The following TLN2 variants were observed in gnomAD, a reference collection of about 807,000 sequenced individuals.
TLN2 encodes the protein talin 2.
A neutral mutation model predicts 294.7 loss-of-function variants in TLN2; 118 were observed. The observed-to-expected ratio is 0.40, with a 90% confidence interval of 0.34 to 0.47. TLN2 has a LOEUF of 0.47. Among genes scored for constraint, TLN2 ranks in the 20% least tolerant of loss-of-function variants. TLN2 has a pLI of 0.84. For missense variants in TLN2, 3,083 were observed against 3,282.2 expected (o/e 0.94, Z 1.48); for synonymous variants, 1,431 against 1,304.5 (o/e 1.10, Z -2.09).
intron 1 of TLN2, among the ~76,000 whole-genome samples, chr15:62,469,955 T>TGA (rs1189563527): frequency 1.1e-4 from 16 of 150,956 alleles, no homozygotes; most frequent in East Asian, 1.9e-4. Flanking sequence ...GGTGTGTGTG[T>TGA]GAGAGAGAGA....
Position 62,657,905 on chromosome 15 carries a change from G to A in TLN2, c.788+7G>A, listed in dbSNP as rs2140960861. Reference sequence around the variant, plus strand: ...ACAAACCTGGATTTTTAGAGTAAATGACATTTTGTTTCTCTTTTTTCTCTT... The same window carrying A: ...ACAAACCTGGATTTTTAGAGTAAATAACATTTTGTTTCTCTTTTTTCTCTT... On this transcript the variant is annotated splice_region_variant and intron_variant, in intron 9 of 58. Coordinates refer to ENST00000636159, the MANE Select transcript of TLN2 (RefSeq NM_015059.3). 1 of 1,607,798 alleles carries A rather than the reference G, an allele frequency of 6.2e-7. No homozygotes were observed. The highest frequency in any genetic ancestry group is 8.5e-7 in the Non-Finnish European group (1 of 1,177,914).
intron 1 of TLN2, among the ~76,000 whole-genome samples, chr15:62,408,451 G>A (rs138699923): frequency 1.8e-3 from 272 of 152,270 alleles, no homozygotes; most frequent in Non-Finnish European, 3.0e-3. Context: ...ACCACACTTA[G>A]AGCAAGCAGC....
intron 6 of TLN2, among the ~76,000 whole-genome samples, chr15:62,652,799 A>G (rs757383148): frequency 2.2e-4 from 33 of 152,186 alleles, no homozygotes; most frequent in Non-Finnish European, 4.7e-4. Context: ...GGAAACCTTT[A>G]TGAAAGGAAT....
intron 1 of TLN2, among the ~76,000 whole-genome samples, chr15:62,459,735 T>G (rs1056439280): frequency 1.3e-5 from 2 of 152,200 alleles, no homozygotes; most frequent in African/African-American, 4.8e-5. Context: ...TAGTTGTTTT[T>G]CTTTCCTCCT....
At chr15:62,727,242 A>G (rs1408926659) in intron 28 of TLN2, 53 bp downstream of exon 28, 1 of 1,513,534 alleles carries the variant, frequency 6.6e-7, no homozygotes, top group African/African-American at 1.4e-5. Flanking sequence ...CACTGGGTGT[A>G]GTGGGGGAGG....
chr15:62,450,697 C>T (rs578184145), intron 1 of TLN2, among the ~76,000 whole-genome samples: 9 of 152,042 alleles, frequency 5.9e-5, no homozygotes, highest in Non-Finnish European at 8.8e-5. Flanking sequence ...GCCTTAGCCT[C>T]CTGAGTAGCT....
At position 62,650,086 on chromosome 15, in the gene TLN2, T is replaced by A; in HGVS notation, c.139T>A (p.Ser47Thr). Reference protein sequence around the residue: ...RVPEAQTGQASDYGLFLSDED... With the variant: ...RVPEAQTGQATDYGLFLSDED... ...TTTTCTTCCCATTTATATTTCAGCTTCTGACTATGGACTCTTTCTTTCGGA... is the reference window on the plus strand; with the variant it reads ...TTTTCTTCCCATTTATATTTCAGCTACTGACTATGGACTCTTTCTTTCGGA... The change falls in exon 5 of 59, where the codon TCT becomes ACT. Residue 47 changes from serine to threonine, a missense_variant and splice_region_variant. Ser to Thr is a moderately conservative substitution (Grantham distance 58, BLOSUM62 1). Coordinates refer to ENST00000636159, the MANE Select transcript of TLN2 (RefSeq NM_015059.3). The A allele has an allele frequency of 6.2e-7, 1 of 1,614,054 alleles. No homozygotes were observed. Among genetic ancestry groups the A allele is most frequent in the South Asian group, 1.1e-5 (1 of 91,078 alleles).
chr15:62,567,775 G>A (rs1468153493), intron 1 of TLN2, among the ~76,000 whole-genome samples: 1 of 152,124 alleles, frequency 6.6e-6, no homozygotes, highest in African/African-American at 2.4e-5. Flanking sequence ...GGAGGTGGAG[G>A]TTGCAGTGAG....
At chr15:62,817,488 T>C (rs1489754857) in intron 52 of TLN2, among the ~76,000 whole-genome samples, 1 of 152,212 alleles carries the variant, frequency 6.6e-6, no homozygotes, top group Non-Finnish European at 1.5e-5. Flanking sequence ...TGAGGATAGA[T>C]ACATGTGAAG....
intron 9 of TLN2, among the ~76,000 whole-genome samples, chr15:62,661,561 G>A (rs1044214224): frequency 6.6e-6 from 1 of 152,128 alleles, no homozygotes; most frequent in African/African-American, 2.4e-5. Flanking sequence ...TGAAAAGAAC[G>A]TATGGAATAA....
At chr15:62,571,170 C>G (rs1265295863) in intron 1 of TLN2, among the ~76,000 whole-genome samples, 2 of 152,192 alleles carry the variant, frequency 1.3e-5, no homozygotes, top group African/African-American at 4.8e-5. Flanking sequence ...ATGCCAGTTG[C>G]ACTGAGGGTG....
At chr15:62,429,035 TC>T (rs758206158) in intron 1 of TLN2, among the ~76,000 whole-genome samples, 4 of 149,252 alleles carry the variant, frequency 2.7e-5, no homozygotes, top group East Asian at 2.0e-4. Flanking sequence ...CAGCCTGACT[TC>T]CGTCTGGAGA....
chr15:62,553,429 G>A (rs1246495979), intron 1 of TLN2, among the ~76,000 whole-genome samples: 5 of 152,068 alleles, frequency 3.3e-5, no homozygotes, highest in South Asian at 2.1e-4. Flanking sequence ...AGGTTGCGGC[G>A]AGCCGAGATC....
chr15:62,635,915 A>G (rs2050331177), intron 3 of TLN2, among the ~76,000 whole-genome samples: 1 of 152,026 alleles, frequency 6.6e-6, no homozygotes, highest in Admixed American at 6.6e-5. Flanking sequence ...TAAACAGCAC[A>G]CGTTAGGAGG....
At chr15:62,514,397 C>T (rs558259902) in intron 1 of TLN2, among the ~76,000 whole-genome samples, 14 of 152,188 alleles carry the variant, frequency 9.2e-5, no homozygotes, top group Non-Finnish European at 1.6e-4. Context: ...TTTACAAGTA[C>T]GTATGGCATG....
chr15:62,407,652 C>T (rs574515239), intron 1 of TLN2, among the ~76,000 whole-genome samples: 4 of 152,160 alleles, frequency 2.6e-5, no homozygotes, highest in Admixed American at 1.3e-4. Flanking sequence ...CGCAATGGCT[C>T]ATGCCTGTAA....
At chr15:62,635,588 G>A (rs1198988018) in intron 3 of TLN2, among the ~76,000 whole-genome samples, 1 of 152,112 alleles carries the variant, frequency 6.6e-6, no homozygotes, top group East Asian at 1.9e-4. Context: ...TCTTTGAGTG[G>A]GGTGGGATCA....
rs879162783 is a variant in TLN2 at position 62,514,086 on chromosome 15, C to T, written c.-237-75601C>T. Among the ~76,000 whole-genome samples, 8 of 152,210 alleles carry T rather than the reference C, an allele frequency of 5.3e-5. No individual in the cohort carries two copies. In the East Asian group the frequency reaches 7.7e-4, roughly 15 times the overall value. On this transcript the variant is annotated intron_variant, in intron 1 of 58. Transcript: ENST00000636159. ...CTTTCTAGTTTTTGCATAATATATGCGCACAGCACACACTGTACCTAGCTG... is the reference window on the plus strand; with the variant it reads ...CTTTCTAGTTTTTGCATAATATATGTGCACAGCACACACTGTACCTAGCTG...
intron 10 of TLN2, 115 bp from the exon 11 acceptor site, chr15:62,675,102 C>A: frequency 1.1e-6 from 1 of 910,164 alleles, no homozygotes; most frequent in South Asian, 1.6e-5. Context: ...ACACAACCAT[C>A]ACTTAATGAT....
Sources: allele counts gnomAD v4.1 joint callset (sites outside exome capture counted in the v4.1 genomes callset), GRCh38; gene constraint gnomAD v4.1.1; transcripts MANE v1.5; gene names NCBI Gene and HGNC (gene_info 2026-07-23, HGNC 2026-07-21).